The following DCAF6 variants were observed in gnomAD, a reference collection of about 807,000 sequenced individuals.
DCAF6 encodes the protein DDB1- and CUL4-associated factor 6.
Under a neutral mutation model 125.1 loss-of-function variants are expected in DCAF6, and 54 were observed. That is an observed-to-expected ratio of 0.43 (90% CI 0.35 to 0.54). DCAF6 has a LOEUF of 0.54. DCAF6 is among the 20% of genes least tolerant of loss of function. The pLI is 0.01. For synonymous variants in DCAF6, 371 were observed against 390.4 expected (o/e 0.95, Z 0.58); for missense variants, 934 against 1,161.7 (o/e 0.80, Z 2.85).
intron 4 of DCAF6, among the ~76,000 whole-genome samples, chr1:167,981,054 A>G (rs1237767594): frequency 1.3e-5 from 2 of 151,074 alleles, no homozygotes; most frequent in African/African-American, 4.9e-5. Flanking sequence ...TTACAGGCGC[A>G]TGCCACCACG....
At chr1:167,965,467 T>C (rs1676259449) in intron 2 of DCAF6, among the ~76,000 whole-genome samples, 1 of 152,226 alleles carries the variant, frequency 6.6e-6, no homozygotes, top group African/African-American at 2.4e-5. Context: ...GTTAGAGTAC[T>C]CTGGGATACC....
intron 1 of DCAF6, among the ~76,000 whole-genome samples, chr1:167,939,059 A>C (rs1365794663): frequency 6.6e-6 from 1 of 152,198 alleles, no homozygotes; most frequent in Non-Finnish European, 1.5e-5. Context: ...TGGTTTTCTA[A>C]GTACTTGAAA....
intron 4 of DCAF6, among the ~76,000 whole-genome samples, chr1:167,976,216 C>A (rs1365134082): frequency 6.6e-6 from 1 of 152,216 alleles, no homozygotes; most frequent in Non-Finnish European, 1.5e-5. Context: ...CACCTGTAAT[C>A]TGAGCACTCT....
intron 12 of DCAF6, among the ~76,000 whole-genome samples, chr1:168,031,593 G>A (rs1484529942): frequency 6.6e-6 from 1 of 152,196 alleles, no homozygotes; most frequent in Admixed American, 6.5e-5. Flanking sequence ...GTTAAAGGGA[G>A]TGTTCTCCTA....
At chr1:168,053,207 C>T (rs1435755259) in intron 17 of DCAF6, among the ~76,000 whole-genome samples, 2 of 152,172 alleles carry the variant, frequency 1.3e-5, no homozygotes, top group East Asian at 3.8e-4. Flanking sequence ...TATATACCTA[C>T]TGTACTACCT....
chr1:168,005,972 T>A (rs574650916), intron 10 of DCAF6, among the ~76,000 whole-genome samples: 1 of 152,190 alleles, frequency 6.6e-6, no homozygotes, highest in South Asian at 2.1e-4. Context: ...AAAGCAGAAG[T>A]AGTTAAAAGT....
At chr1:168,067,031 G>T (rs549952621) in intron 20 of DCAF6, among the ~76,000 whole-genome samples, 54 of 152,238 alleles carry the variant, frequency 3.5e-4, no homozygotes, top group Admixed American at 2.0e-4. Flanking sequence ...TCTGGGATGG[G>T]AGAGGGAAGG....
At chr1:168,059,198 T>C (rs1186322724) in intron 17 of DCAF6, among the ~76,000 whole-genome samples, 1 of 152,256 alleles carries the variant, frequency 6.6e-6, no homozygotes, top group Non-Finnish European at 1.5e-5. Flanking sequence ...AACTGATTTT[T>C]GTTTATGATG....
intron 4 of DCAF6, among the ~76,000 whole-genome samples, chr1:167,977,385 G>GTT (rs1678415628): frequency 6.6e-6 from 1 of 151,328 alleles, no homozygotes; most frequent in South Asian, 2.1e-4. Flanking sequence ...TCATTTGATA[G>GTT]TTACTGTATT....
chr1:167,902,421 G>A, the DCAF6 span, among the ~76,000 whole-genome samples: 1 of 152,226 alleles, frequency 6.6e-6, no homozygotes, highest in African/African-American at 2.4e-5. Flanking sequence ...GTAAGCATGG[G>A]TGGGTGGATG....
upstream of DCAF6, chr1:167,935,938 C>G: frequency 1.1e-6 from 1 of 926,422 alleles, no homozygotes; most frequent in Non-Finnish European, 1.7e-6. Context: ...CCTGCCACGA[C>G]GACTCGCGTC....
In DCAF6 at chr1:167,951,640, C is replaced by T. The variant is rs529282598; in HGVS notation, c.98-160C>T. ...TCTAATGAGGAAACTAAGTCTTAGG[C>T]GGAGGTTAAATTGCCCAGTATCACT... On this transcript the variant is annotated intron_variant, in intron 1 of 21. Transcript: ENST00000367840. Among the ~76,000 whole-genome samples the T allele has an allele frequency of 4.6e-5, 7 of 152,104 alleles. No homozygotes were observed. In the South Asian group the frequency reaches 1.5e-3, roughly 32 times the overall value.
At chr1:167,878,730 T>A in the DCAF6 span, 1 of 1,249,168 alleles carries the variant, frequency 8.0e-7, no homozygotes, top group East Asian at 2.5e-5. Flanking sequence ...ATTTTTACCC[T>A]TTACTCCCTT....
intron 4 of DCAF6, among the ~76,000 whole-genome samples, chr1:167,985,177 A>G (rs1026316962): frequency 1.4e-5 from 2 of 142,082 alleles, no homozygotes; most frequent in Admixed American, 7.3e-5. Context: ...TCATAGCCAA[A>G]CCACGTCGTG....
intron 1 of DCAF6, among the ~76,000 whole-genome samples, chr1:167,946,494 T>C (rs1349759487): frequency 6.6e-6 from 1 of 152,234 alleles, no homozygotes; most frequent in Non-Finnish European, 1.5e-5. Flanking sequence ...CAGTATGATG[T>C]TAGTTACAGG....
At chr1:167,918,204 C>T in the DCAF6 span, 1 of 704,606 alleles carries the variant, frequency 1.4e-6, no homozygotes, top group Admixed American at 3.0e-5. Flanking sequence ...CAAGAACTAG[C>T]TACCAGTTAC....
At chr1:167,992,655 G>A (rs1316241833) in intron 6 of DCAF6, among the ~76,000 whole-genome samples, 2 of 152,128 alleles carry the variant, frequency 1.3e-5, no homozygotes, top group Non-Finnish European at 2.9e-5. Flanking sequence ...GCATTCCTGG[G>A]CCCCCAGGGC....
chr1:167,982,267 G>C (rs1209605843), intron 4 of DCAF6, among the ~76,000 whole-genome samples: 1 of 151,934 alleles, frequency 6.6e-6, no homozygotes, highest in Non-Finnish European at 1.5e-5. Flanking sequence ...TTTTGAGACG[G>C]AGTCTCGCTT....
chr1:167,975,407 A>T (rs545298304), intron 4 of DCAF6, among the ~76,000 whole-genome samples: 2 of 152,330 alleles, frequency 1.3e-5, no homozygotes, highest in African/African-American at 2.4e-5. Flanking sequence ...TTTTTGTAGG[A>T]TAGAAGGGAC....
Sources: allele counts gnomAD v4.1 joint callset (sites outside exome capture counted in the v4.1 genomes callset), GRCh38; gene constraint gnomAD v4.1.1; transcripts MANE v1.5; gene names NCBI Gene and HGNC (gene_info 2026-07-23, HGNC 2026-07-21).